The following MYLK variants were observed in gnomAD, a reference collection of about 807,000 sequenced individuals.
MYLK encodes myosin light chain kinase, smooth muscle.
A neutral mutation model predicts 203.4 loss-of-function variants in MYLK; 106 were observed. The observed-to-expected ratio is 0.52, with a 90% confidence interval of 0.45 to 0.61. The LOEUF is 0.61. MYLK is among the 20% of genes least tolerant of loss of function. MYLK has a pLI of 0.00. For missense variants in MYLK, 2,072 were observed against 2,442.3 expected (o/e 0.85, Z 3.20); for synonymous variants, 867 against 959.5 (o/e 0.90, Z 1.78).
intron 13 of MYLK, among the ~76,000 whole-genome samples, chr3:123,712,751 C>T (rs2061745053): frequency 6.6e-6 from 1 of 152,262 alleles, no homozygotes; most frequent in Non-Finnish European, 1.5e-5. Flanking sequence ...GCCCCACTTC[C>T]TCATCGGTCT....
In MYLK at chr3:123,792,826, TG is replaced by T. The variant is rs577061571; in HGVS notation, c.165+850del. The stretch of plus-strand genomic sequence containing the variant: ...CCCAACAATCTTCTGGTAAGAGATA[TG>T]AAAGGACTAGTAGGTCAGAATCATT... On this transcript the variant is annotated intron_variant, in intron 4 of 33. Coordinates refer to ENST00000360304, the MANE Select transcript of MYLK (RefSeq NM_053025.4). 2.4e-4 allele frequency among the ~76,000 whole-genome samples: 37 copies of T among 152,294 alleles called. 2 individuals are homozygous for T. In the South Asian group the frequency reaches 7.5e-3, roughly 31 times the overall value.
At chr3:123,783,474 C>T (rs541778583) in intron 4 of MYLK, among the ~76,000 whole-genome samples, 8 of 152,270 alleles carry the variant, frequency 5.3e-5, no homozygotes, top group South Asian at 2.1e-4. Context: ...TTTCCATGCC[C>T]GGACTTTGTC....
intron 31 of MYLK, 185 bp from the exon 32 acceptor site, chr3:123,620,521 G>A (rs2057799559): frequency 6.8e-7 from 1 of 1,464,666 alleles, no homozygotes. Context: ...CACTGTCAGT[G>A]TGTCAGAAGA....
intron 4 of MYLK, among the ~76,000 whole-genome samples, chr3:123,792,289 C>T (rs1340606367): frequency 6.6e-6 from 1 of 152,100 alleles, no homozygotes; most frequent in African/African-American, 2.4e-5. Flanking sequence ...CTGTCTGATC[C>T]GTTTCTCAAA....
At chr3:123,704,709 C>T (rs772659498) in intron 16 of MYLK, among the ~76,000 whole-genome samples, 3 of 147,676 alleles carry the variant, frequency 2.0e-5, no homozygotes, top group Non-Finnish European at 4.4e-5. Flanking sequence ...TGAGACCATC[C>T]TGGCTAACAC....
intron 11 of MYLK, among the ~76,000 whole-genome samples, chr3:123,728,075 G>GC (rs2062351359): frequency 6.6e-6 from 1 of 152,194 alleles, no homozygotes; most frequent in South Asian, 2.1e-4. Flanking sequence ...ATGTGGAATG[G>GC]CAAAGTAAAG....
intron 4 of MYLK, among the ~76,000 whole-genome samples, chr3:123,753,843 G>A (rs2063282290): frequency 6.6e-6 from 1 of 152,164 alleles, no homozygotes. Flanking sequence ...CAAAACAGTG[G>A]TAGCAATAGT....
At chr3:123,621,565 T>G (rs1230246517) in intron 31 of MYLK, 1 of 152,230 alleles carries the variant, frequency 6.6e-6, no homozygotes, top group African/African-American at 2.4e-5. Flanking sequence ...GTAAAAAGAC[T>G]GATCATTTTG....
At chr3:123,773,587 G>A (rs1300820611) in intron 4 of MYLK, among the ~76,000 whole-genome samples, 1 of 152,196 alleles carries the variant, frequency 6.6e-6, no homozygotes, top group Non-Finnish European at 1.5e-5. Flanking sequence ...AAATCGACAT[G>A]GTTGGTGAGT....
At chr3:123,868,251 C>G (rs949137730) in intron 2 of MYLK, among the ~76,000 whole-genome samples, 8 of 150,828 alleles carry the variant, frequency 5.3e-5, no homozygotes, top group African/African-American at 1.9e-4. Context: ...GGAACAAAGG[C>G]AAAAAAAGAG....
At chr3:123,704,234 C>A (rs747957928) in intron 16 of MYLK, among the ~76,000 whole-genome samples, 1 of 152,316 alleles carries the variant, frequency 6.6e-6, no homozygotes, top group Non-Finnish European at 1.5e-5. Context: ...ACAGCCATAC[C>A]CTTAAATCTC....
chr3:123,769,447 G>A (rs892042499), intron 4 of MYLK, among the ~76,000 whole-genome samples: 1 of 152,230 alleles, frequency 6.6e-6, no homozygotes, highest in Non-Finnish European at 1.5e-5. Context: ...TCATGAGAGG[G>A]AAACAGGCAT....
At chr3:123,836,990 G>T (rs779767459) in intron 2 of MYLK, among the ~76,000 whole-genome samples, 3 of 152,126 alleles carry the variant, frequency 2.0e-5, no homozygotes, top group African/African-American at 7.2e-5. Flanking sequence ...TATGTAACAC[G>T]GGACAAAATA....
chr3:123,805,734 C>T (rs1244347517), intron 3 of MYLK, among the ~76,000 whole-genome samples: 3 of 152,202 alleles, frequency 2.0e-5, no homozygotes, highest in African/African-American at 7.2e-5. Flanking sequence ...AGACTTGAAC[C>T]CTGCTACTGC....
intron 4 of MYLK, among the ~76,000 whole-genome samples, chr3:123,762,587 TCCC>T (rs933233920): frequency 4.6e-5 from 7 of 152,128 alleles, no homozygotes; most frequent in African/African-American, 1.7e-4. Flanking sequence ...AGTGTTTTTG[TCCC>T]CTCTAAAGTT....
chr3:123,754,021 G>A (rs1289671932), intron 4 of MYLK, among the ~76,000 whole-genome samples: 3 of 152,170 alleles, frequency 2.0e-5, no homozygotes, highest in South Asian at 4.1e-4. Context: ...CTATATTGGC[G>A]CATGTGCACA....
chr3:123,765,436 C>G (rs2063672467), intron 4 of MYLK, among the ~76,000 whole-genome samples: 1 of 150,168 alleles, frequency 6.7e-6, no homozygotes, highest in African/African-American at 2.5e-5. Context: ...GAGGCAGAGG[C>G]AGGAGAATTG....
intron 4 of MYLK, among the ~76,000 whole-genome samples, chr3:123,776,387 T>A (rs1233830637): frequency 6.6e-6 from 1 of 152,208 alleles, no homozygotes; most frequent in African/African-American, 2.4e-5. Flanking sequence ...TGCTTAAAGA[T>A]GCCCGAATCC....
chr3:123,707,865 G>T lies in MYLK; in HGVS notation c.2279C>A (p.Ala760Asp). Residue 760 changes from alanine (A) to aspartate (D), a missense_variant, in exon 16 of 34, where the codon GCC becomes GAC. Coordinates refer to ENST00000360304, the MANE Select transcript of MYLK (RefSeq NM_053025.4). ...PTVHWLRDGK[A>D]LCKDTGHFEV... Reference sequence around the variant, plus strand: ...GAAGTGGCCAGTGTCTTTGCAGAGGGCTTTGCCATCTCTGAGCCAGTGCAC... The same window carrying T: ...GAAGTGGCCAGTGTCTTTGCAGAGGTCTTTGCCATCTCTGAGCCAGTGCAC... 1.2e-6 allele frequency: 2 copies of T among 1,614,232 alleles called. No individual in the cohort carries two copies. The highest frequency in any genetic ancestry group is 1.7e-6 in the Non-Finnish European group (2 of 1,180,044).
Sources: gnomAD v4.1 joint callset for allele counts (sites outside exome capture counted in the v4.1 genomes callset) on GRCh38, gnomAD v4.1.1 for gene constraint, MANE v1.5 for transcripts, NCBI Gene and HGNC (gene_info 2026-07-23, HGNC 2026-07-21) for gene names.